The following DLG2 variants were observed in gnomAD, a reference collection of about 807,000 sequenced individuals.
The protein encoded by DLG2 is discs large MAGUK scaffold protein 2.
A neutral mutation model predicts 132.5 loss-of-function variants in DLG2; 45 were observed. That is an observed-to-expected ratio of 0.34 (90% confidence interval 0.27 to 0.44). The LOEUF is 0.44. Ranked by LOEUF, DLG2 falls within the 20% of genes least tolerant of loss-of-function variation. The pLI is 1.00. For synonymous variants in DLG2, 424 were observed against 419.6 expected, an observed-to-expected ratio of 1.01 and a Z score of -0.13; for missense variants, 1,045 against 1,196.9, an observed-to-expected ratio of 0.87 and a Z score of 1.87.
At chr11:84,240,639 G>C in intron 8 of DLG2, among the ~76,000 whole-genome samples, 1 of 152,160 alleles carries the variant, frequency 6.6e-6, no homozygotes. Context: ...GCAGTTTATT[G>C]AGATCTAAAA....
At position 84,609,897 on chromosome 11, in the gene DLG2, G is replaced by A. The variant is rs141720788; in HGVS notation, c.358-75166C>T. Among the ~76,000 whole-genome samples the A allele has an allele frequency of 2.6e-5, 4 of 152,202 alleles. No homozygotes were observed. The East Asian group carries it at 7.7e-4, about 29-fold the overall frequency. On this transcript the variant is annotated intron_variant, in intron 6 of 27. Coordinates refer to ENST00000376104, the MANE Select transcript of DLG2 (RefSeq NM_001142699.3). The stretch of plus-strand genomic sequence containing the variant: ...AATATAATTTGGAAACAATCTAAAT[G>A]TCCAGTAATAGGGGGTATGATAATT...
At chr11:83,497,337 A>G (rs977672248) in intron 21 of DLG2, among the ~76,000 whole-genome samples, 1 of 152,128 alleles carries the variant, frequency 6.6e-6, no homozygotes, top group Non-Finnish European at 1.5e-5. Flanking sequence ...GAGCTCAGGA[A>G]TTCGACACCA....
At chr11:85,450,782 C>T (rs532644969) in intron 3 of DLG2, among the ~76,000 whole-genome samples, 11 of 152,184 alleles carry the variant, frequency 7.2e-5, no homozygotes, top group South Asian at 4.2e-4. Context: ...CAGAAGTTTT[C>T]GGTGGAATTG....
chr11:84,108,503 G>A (rs957907414), intron 9 of DLG2, among the ~76,000 whole-genome samples: 1 of 152,092 alleles, frequency 6.6e-6, no homozygotes, highest in African/African-American at 2.4e-5. Flanking sequence ...GAGGTAGTGT[G>A]GCAGTTAAGT....
chr11:85,570,244 A>G (rs1272340187), intron 3 of DLG2, among the ~76,000 whole-genome samples: 1 of 152,210 alleles, frequency 6.6e-6, no homozygotes, highest in Non-Finnish European at 1.5e-5. Context: ...ATATTATATA[A>G]TGAAATATGT....
chr11:83,475,758 CT>C (rs1352899820), intron 22 of DLG2, among the ~76,000 whole-genome samples: 1 of 145,762 alleles, frequency 6.9e-6, no homozygotes, highest in Non-Finnish European at 1.5e-5. Flanking sequence ...TTCTTTGTTT[CT>C]TTTTCTTTTG....
intron 7 of DLG2, among the ~76,000 whole-genome samples, chr11:84,454,805 A>G (rs2154482119): frequency 6.6e-6 from 1 of 151,530 alleles, no homozygotes; most frequent in East Asian, 1.9e-4. Flanking sequence ...AGTGACAGAA[A>G]GCTTATAAGT....
At chr11:84,861,635 AAAAAC>A (rs1384147850) in intron 6 of DLG2, among the ~76,000 whole-genome samples, 1,093 of 67,026 alleles carry the variant, frequency 0.016, 106 homozygotes, top group African/African-American at 0.041. Flanking sequence ...AAAAAAAAAA[AAAAAC>A]AAAAAAAAAA....
At position 85,371,486 on chromosome 11, in the gene DLG2, A is replaced by G. The variant is rs137997591; in HGVS notation, c.41-86121T>C. ...CAATATAGTTATGTGCATCAGTGCAATAAGAATCCATTTTTCTTTTGCAAC... is the reference window on the plus strand; with the variant it reads ...CAATATAGTTATGTGCATCAGTGCAGTAAGAATCCATTTTTCTTTTGCAAC... On this transcript the variant is annotated intron_variant, in intron 3 of 27. Coordinates refer to ENST00000376104, the MANE Select transcript of DLG2 (RefSeq NM_001142699.3). Among the ~76,000 whole-genome samples the G allele has an allele frequency of 8.2e-3, 1,252 of 152,308 alleles. 16 individuals carry two copies. The highest frequency in any genetic ancestry group is 0.028 in the African/African-American group (1,179 of 41,572).
intron 16 of DLG2, among the ~76,000 whole-genome samples, chr11:83,873,483 C>G (rs925576310): frequency 4.6e-5 from 7 of 152,080 alleles, no homozygotes; most frequent in African/African-American, 1.7e-4. Flanking sequence ...CTTATAAAAC[C>G]TTGGCTCTCA....
intron 3 of DLG2, among the ~76,000 whole-genome samples, chr11:85,380,818 A>G (rs573830461): frequency 6.6e-6 from 1 of 152,352 alleles, no homozygotes; most frequent in Admixed American, 6.5e-5. Flanking sequence ...CAACACTTAT[A>G]GGAGTCCAGA....
At chr11:84,667,491 G>GTTTT (rs1275372814) in intron 6 of DLG2, among the ~76,000 whole-genome samples, 4 of 35,294 alleles carry the variant, frequency 1.1e-4, no homozygotes, top group East Asian at 7.5e-4. Context: ...TTTGTTTTTT[G>GTTTT]TTTTTTGTTT....
intron 6 of DLG2, among the ~76,000 whole-genome samples, chr11:84,861,140 C>T (rs115854343): frequency 6.6e-6 from 1 of 152,036 alleles, no homozygotes; most frequent in Non-Finnish European, 1.5e-5. Flanking sequence ...AAAGGACATA[C>T]GCTTCTGTTG....
chr11:84,149,913 A>T (rs567544979), intron 9 of DLG2, among the ~76,000 whole-genome samples: 110 of 152,040 alleles, frequency 7.2e-4, no homozygotes, highest in Middle Eastern at 3.4e-3. Context: ...ACACGCCACA[A>T]TGCCTGGCTA....
intron 3 of DLG2, among the ~76,000 whole-genome samples, chr11:85,496,529 C>A (rs1258381599): frequency 6.6e-6 from 1 of 152,194 alleles, no homozygotes; most frequent in Non-Finnish European, 1.5e-5. Flanking sequence ...CTTCCCCATA[C>A]TTAAACGTCC....
intron 3 of DLG2, among the ~76,000 whole-genome samples, chr11:85,492,686 T>A (rs1366740016): frequency 6.7e-6 from 1 of 148,376 alleles, no homozygotes; most frequent in Non-Finnish European, 1.5e-5. Context: ...AGCATCAAAT[T>A]GGGAGGGTAT....
chr11:85,425,348 G>A (rs2090631422), intron 3 of DLG2, among the ~76,000 whole-genome samples: 1 of 151,922 alleles, frequency 6.6e-6, no homozygotes, highest in South Asian at 2.1e-4. Context: ...TTTAAATACA[G>A]CAGAATAAAA....
At chr11:85,564,884 C>A (rs2077443753) in intron 3 of DLG2, among the ~76,000 whole-genome samples, 1 of 151,920 alleles carries the variant, frequency 6.6e-6, no homozygotes. Flanking sequence ...CAAAAAATAT[C>A]TTTCTATTTA....
rs554284513 is a variant in DLG2, at chr11:85,559,910, T to C, written c.40+38747A>G. ...TGTTAATCAGCCCCAAATCCTAATA[T>C]CAAAAGTGGAATGAAGCAGAACACT... is the stretch of plus-strand genomic sequence containing the variant. On this transcript the variant is annotated intron_variant, in intron 3 of 27. Coordinates refer to ENST00000376104, the MANE Select transcript of DLG2 (RefSeq NM_001142699.3). Among the ~76,000 whole-genome samples the C allele has an allele frequency of 8.7e-4, 131 of 151,376 alleles. 4 individuals carry two copies. Among genetic ancestry groups the C allele is most frequent in the Non-Finnish European group, 1.4e-3 (95 of 67,712 alleles).
Sources: gnomAD v4.1 joint callset for allele counts (sites outside exome capture counted in the v4.1 genomes callset) on GRCh38, gnomAD v4.1.1 for gene constraint, MANE v1.5 for transcripts, NCBI Gene and HGNC (gene_info 2026-07-23, HGNC 2026-07-21) for gene names.